Variants in COL1A2 observed in about 807,000 individuals in gnomAD.
The protein encoded by COL1A2 is collagen type I alpha 2 chain, also known as collagen alpha-2(I) chain.
In COL1A2, 49 loss-of-function variants were observed where a neutral mutation model predicts 174.3. That is an observed-to-expected ratio of 0.28 (90% confidence interval 0.22 to 0.36). COL1A2 has a LOEUF of 0.36. Among genes scored for constraint, COL1A2 ranks in the 10% least tolerant of loss-of-function variants. COL1A2 has a pLI of 1.00. For synonymous variants in COL1A2, 655 were observed against 606.6 expected (o/e 1.08, Z -1.17); for missense variants, 1,438 against 1,822.7 (o/e 0.79, Z 3.84).
Position 94,394,897 on chromosome 7 carries a change from C to A in COL1A2, c.-135C>A. On this transcript the variant is annotated 5_prime_UTR_variant, in exon 1 of 52. Coordinates refer to ENST00000297268, the MANE Select transcript of COL1A2 (RefSeq NM_000089.4). ...GCAGATCCGGGCTTTATTATTTTAG[C>A]ACCACGGCAGCAGGAGGTTTCGGCT... The A allele has an allele frequency of 1.3e-6, 1 of 755,060 alleles. No homozygotes were observed. Among genetic ancestry groups the A allele is most frequent in the Non-Finnish European group, 2.4e-6 (1 of 413,806 alleles). The allele number at this position is 755,060 out of a possible 1,614,324, so 46.8% of individuals were successfully genotyped here.
At chr7:94,397,012 A>AT (rs1430535192) in intron 1 of COL1A2, among the ~76,000 whole-genome samples, 2 of 152,102 alleles carry the variant, frequency 1.3e-5, no homozygotes, top group East Asian at 3.9e-4. Flanking sequence ...TTTTTCTATT[A>AT]TTTTTCAAGA....
chr7:94,427,497 T>C (rs1792303301), intron 48 of COL1A2, 130 bp from the exon 49 acceptor site: 2 of 1,231,456 alleles, frequency 1.6e-6, no homozygotes, highest in Non-Finnish European at 2.3e-6. Context: ...TATTTATTTA[T>C]GTGAACTTGA....
chr7:94,415,841 AT>A (rs1792030143), intron 30 of COL1A2, among the ~76,000 whole-genome samples: 1 of 152,188 alleles, frequency 6.6e-6, no homozygotes, highest in African/African-American at 2.4e-5. Flanking sequence ...ATTTTGGGCT[AT>A]AGAATGCTAT....
At chr7:94,406,816 T>C (rs1166758354) in intron 12 of COL1A2, among the ~76,000 whole-genome samples, 1 of 152,234 alleles carries the variant, frequency 6.6e-6, no homozygotes, top group African/African-American at 2.4e-5. Flanking sequence ...GGCTCTTCTC[T>C]GACAGCGTTT....
chr7:94,398,963 CTAAT>C (rs1350412646), intron 3 of COL1A2, 82 bp from the exon 4 acceptor site: 1 of 1,318,692 alleles, frequency 7.6e-7, no homozygotes, highest in African/African-American at 1.4e-5. Flanking sequence ...GTCTTACCAA[CTAAT>C]TATTATCAAG....
chr7:94,395,928 G>A (rs1791574183), intron 1 of COL1A2, among the ~76,000 whole-genome samples: 1 of 152,106 alleles, frequency 6.6e-6, no homozygotes, highest in African/African-American at 2.4e-5. Flanking sequence ...TGTTCCCAGT[G>A]ATAAGCAAAC....
chr7:94,423,153 T>C, intron 40 of COL1A2, 35 bp downstream of exon 40: 3 of 1,610,518 alleles, frequency 1.9e-6, no homozygotes, highest in Non-Finnish European at 2.5e-6. Context: ...CTTAATACCT[T>C]ATGCTGAATT....
At chr7:94,407,655 ATC>A (rs1159564041) in intron 12 of COL1A2, among the ~76,000 whole-genome samples, 190 bp from the exon 13 acceptor site, 2 of 152,178 alleles carry the variant, frequency 1.3e-5, no homozygotes, top group African/African-American at 4.8e-5. Context: ...ATGTGGTACT[ATC>A]TGAATAAAAA....
At chr7:94,422,746 A>C in intron 39 of COL1A2, 1 of 594,448 alleles carries the variant, frequency 1.7e-6, no homozygotes, top group Non-Finnish European at 3.0e-6. Context: ...CTCCTCCATT[A>C]TTTGGTTGGT....
intron 29 of COL1A2, among the ~76,000 whole-genome samples, chr7:94,414,868 T>G (rs1792005383): frequency 6.6e-6 from 1 of 152,182 alleles, no homozygotes; most frequent in Non-Finnish European, 1.5e-5. Context: ...TATGATAATT[T>G]CTCTTAAGAA....
rs1194300624 is a variant in COL1A2 at position 94,407,015 on chromosome 7, G to A, written c.594+712G>A. 2.0e-5 allele frequency among the ~76,000 whole-genome samples: 3 copies of A among 152,128 alleles called. No individual in the cohort carries two copies. In the East Asian group the frequency reaches 5.8e-4, roughly 29 times the overall value. Reference sequence around the variant, plus strand: ...GTCAAACTCATTCTCCCAAGAGCCCGATATAACAGCTCAGACTACTAATCA... The same window carrying A: ...GTCAAACTCATTCTCCCAAGAGCCCAATATAACAGCTCAGACTACTAATCA... On this transcript the variant is annotated intron_variant, in intron 12 of 51. Coordinates refer to ENST00000297268, the MANE Select transcript of COL1A2 (RefSeq NM_000089.4).
Position 94,409,359 on chromosome 7 carries a change from G to C in COL1A2, c.830G>C (p.Gly277Ala), listed in dbSNP as rs752431578. ...IGAVGNAGPA[G>A]PAGPRGEVGL... ...GCTGTTGGTAACGCTGGTCCTGCTG[G>C]TCCCGCCGGTCCCCGTGGTGAAGTG... The change falls in exon 17 of 52, where the codon GGT (glycine) becomes GCT (alanine). Residue 277 changes from glycine to alanine, a missense_variant. Around this residue, in one of 3 missense-constraint regions of COL1A2, gnomAD observed 867 missense variants for 1,213.7 expected, o/e 0.71. Coordinates refer to ENST00000297268, the MANE Select transcript of COL1A2 (RefSeq NM_000089.4). 61 of 1,613,934 alleles carry C rather than the reference G, an allele frequency of 3.8e-5. No homozygotes were observed. Among genetic ancestry groups the C allele is most frequent in the Non-Finnish European group, 5.0e-5 (59 of 1,180,018 alleles).
rs1404509572 is a variant in COL1A2, at chr7:94,420,286, TGTAA to T, written c.2133+6_2133+9del. On this transcript the variant is annotated splice_donor_variant and splice_donor_region_variant and intron_variant, in intron 35 of 51. Transcript: ENST00000297268. LOFTEE classifies it high-confidence loss of function. Reference sequence around the variant, plus strand: ...GTCCTGCTGGTCCTCGGGGAAGCCCTGTAAGTAAGAACCTGGGTCATTTTGTATA... The same window carrying T: ...GTCCTGCTGGTCCTCGGGGAAGCCCTGTAAGAACCTGGGTCATTTTGTATA... 1.9e-6 allele frequency: 3 copies of T among 1,613,986 alleles called. No homozygotes were observed. The South Asian group carries it at 3.3e-5, about 18-fold the overall frequency.
intron 39 of COL1A2, chr7:94,422,483 C>A (rs10235102): frequency 0.11 from 17,360 of 162,040 alleles, 1,038 homozygotes; most frequent in Middle Eastern, 0.17. Context: ...ACAGAAAAAT[C>A]TTCATTCCCT....
Position 94,427,832 on chromosome 7 carries a change from A to G in COL1A2, c.3473A>G (p.Asn1158Ser). The G allele has an allele frequency of 6.2e-7, 1 of 1,614,170 alleles. No homozygotes were observed. The highest frequency in any genetic ancestry group is 1.1e-5 in the South Asian group (1 of 91,076). ...CTTACTCCTGAAGGCTCTAGAAAGAACCCAGCTCGCACATGCCGTGACTTG... is the reference window on the plus strand; with the variant it reads ...CTTACTCCTGAAGGCTCTAGAAAGAGCCCAGCTCGCACATGCCGTGACTTG... ...TLLTPEGSRK[N>S]PARTCRDLRL... Residue 1158 changes from asparagine (N) to serine (S), a missense_variant, in exon 49 of 52, where the codon AAC (asparagine) becomes AGC (serine). This residue lies in a region of COL1A2 where 290 missense variants were observed against 298.1 expected (regional missense o/e 0.97). Coordinates refer to ENST00000297268, the MANE Select transcript of COL1A2 (RefSeq NM_000089.4).
In COL1A2 at chr7:94,426,004, T is replaced by C. The variant is rs1308066339; in HGVS notation, c.2950T>C (p.Ser984Pro). Residue 984 changes from serine (S) to proline (P), a missense_variant, in exon 45 of 52, where the codon TCT becomes CCT. Coordinates refer to ENST00000297268, the MANE Select transcript of COL1A2 (RefSeq NM_000089.4). Reference protein sequence around the residue: ...KHGNRGETGPSGPVGPAGAVG... With the variant: ...KHGNRGETGPPGPVGPAGAVG... Reference sequence around the variant, plus strand: ...TTTCTTTTTCATTTCACAGGGTCCTTCTGGTCCTGTTGGTCCTGCTGGTGC... The same window carrying C: ...TTTCTTTTTCATTTCACAGGGTCCTCCTGGTCCTGTTGGTCCTGCTGGTGC... 1 of 1,614,106 alleles carries C rather than the reference T, an allele frequency of 6.2e-7. No homozygotes were observed. The highest frequency in any genetic ancestry group is 2.2e-5 in the East Asian group (1 of 44,874).
intron 11 of COL1A2, 90 bp from the exon 12 acceptor site, chr7:94,406,160 G>C: frequency 7.4e-7 from 1 of 1,360,304 alleles, no homozygotes. Flanking sequence ...ACTTACCCAA[G>C]AGAGATTAAT....
chr7:94,417,970 C>T, intron 32 of COL1A2, 139 bp downstream of exon 32: 2 of 732,628 alleles, frequency 2.7e-6, no homozygotes, highest in South Asian at 3.1e-5. Context: ...CCTCTGCCAC[C>T]TAGCACCTAC....
At chr7:94,417,211 A>G (rs1792060293) in intron 31 of COL1A2, among the ~76,000 whole-genome samples, 1 of 152,192 alleles carries the variant, frequency 6.6e-6, no homozygotes, top group African/African-American at 2.4e-5. Context: ...GTGAGGTAGT[A>G]CTTTCAAAGG....
Sources: allele counts gnomAD v4.1 joint callset (sites outside exome capture counted in the v4.1 genomes callset), GRCh38; gene constraint gnomAD v4.1.1; regional missense constraint gnomAD v4.1.1; transcripts MANE v1.5; gene names NCBI Gene and HGNC (gene_info 2026-07-23, HGNC 2026-07-21).